The following ZNF599 variants were observed in gnomAD, a reference collection of about 807,000 sequenced individuals.
ZNF599 encodes the protein zinc finger protein 599.
ZNF599 carries 10 observed loss-of-function variants against 11.7 expected under a neutral mutation model. That is an observed-to-expected ratio of 0.86 (90% CI 0.53 to 1.45). The LOEUF (loss-of-function observed/expected upper bound fraction) is 1.45. ZNF599 is among the 40% of genes most tolerant of loss of function. ZNF599 has a pLI of 0.00. For missense variants in ZNF599, 688 were observed against 713.6 expected (o/e 0.96, Z 0.41); for synonymous variants, 232 against 253.2 (o/e 0.92, Z 0.79).
intron 2 of ZNF599, among the ~76,000 whole-genome samples, chr19:34,767,937 G>A (rs2069156013): frequency 6.6e-6 from 1 of 152,182 alleles, no homozygotes; most frequent in Admixed American, 6.5e-5. Context: ...ATTAGGTAAA[G>A]TAAGAAATTA....
Position 34,759,926 on chromosome 19 carries a change from A to G in ZNF599, c.875T>C (p.Phe292Ser). 1 of 1,614,106 alleles carries G rather than the reference A, an allele frequency of 6.2e-7. No homozygotes were observed. Among genetic ancestry groups the G allele is most frequent in the Non-Finnish European group, 8.5e-7 (1 of 1,180,020 alleles). The part of the protein sequence containing the change: ...PYECKECGKA[F>S]THRSSFIQHN... ...CTGGATAAAAGAAGAGCGGTGGGTGAATGCTTTGCCACATTCTTTGCACTC... is the reference window on the plus strand; with the variant it reads ...CTGGATAAAAGAAGAGCGGTGGGTGGATGCTTTGCCACATTCTTTGCACTC... Residue 292 changes from phenylalanine (F) to serine (S), a missense_variant, in exon 4 of 4, where the codon TTC becomes TCC. Physicochemically the swap from Phe to Ser is radical, Grantham distance 155 (BLOSUM62 -2). Coordinates refer to ENST00000329285, the MANE Select transcript of ZNF599 (RefSeq NM_001007248.3).
rs1482991417 is a variant in ZNF599 at position 34,759,063 on chromosome 19, G to T, written c.1738C>A (p.His580Asn). ...KTFSHSSSFT[H>N]HRKIHTRV ...ACTCTGGTATGAATCTTTCGATGGT[G>T]AGTGAACGATGAACTGTGGCTGAAG... is the stretch of plus-strand genomic sequence containing the variant. The change falls in exon 4 of 4, where the codon CAC becomes AAC. Residue 580 changes from histidine (H) to asparagine (N), a missense_variant. His to Asn is a moderately conservative substitution (Grantham distance 68). Transcript: ENST00000329285. The T allele has an allele frequency of 6.2e-7, 1 of 1,612,448 alleles. No individual in the cohort carries two copies. The highest frequency in any genetic ancestry group is 8.5e-7 in the Non-Finnish European group (1 of 1,178,832).
Position 34,758,843 on chromosome 19 carries a change from G to T in ZNF599, c.*191C>A. On this transcript the variant is annotated 3_prime_UTR_variant, in exon 4 of 4. Transcript: ENST00000329285. ...GAATCTTTAATATAATTCTTTGGAT[G>T]ACAAGTGATTACCTGCCATAAAAAG... The T allele has an allele frequency of 1.7e-6, 1 of 593,838 alleles. No homozygotes were observed. 36.8% of individuals were successfully genotyped at this position (593,838 alleles called of 1,614,324 possible). A position where few individuals can be genotyped will look rare whatever the true frequency, so the allele number is the denominator to read the frequency against.
the ZNF599 span, among the ~76,000 whole-genome samples, chr19:34,780,679 G>C: frequency 7.2e-6 from 1 of 138,930 alleles, no homozygotes; most frequent in Non-Finnish European, 1.6e-5. Flanking sequence ...GAAGGAAGGG[G>C]GAGGGAGGAA....
Sources: allele counts gnomAD v4.1 joint callset (sites outside exome capture counted in the v4.1 genomes callset), GRCh38; gene constraint gnomAD v4.1.1; transcripts MANE v1.5; gene names NCBI Gene and HGNC (gene_info 2026-07-23, HGNC 2026-07-21).